Variants in SLC44A5 observed in about 807,000 individuals in gnomAD.
SLC44A5 encodes the protein choline transporter-like protein 5.
Under a neutral mutation model 101.8 loss-of-function variants are expected in SLC44A5, and 57 were observed. The observed-to-expected ratio is 0.56, with a 90% CI of 0.45 to 0.70. SLC44A5 has a LOEUF of 0.70. Among genes scored for constraint, SLC44A5 ranks in the 30% least tolerant of loss-of-function variants. The pLI, the probability that SLC44A5 is intolerant of heterozygous loss-of-function variation, is 0.00. For synonymous variants in SLC44A5, 281 were observed against 290.9 expected (o/e 0.97, Z 0.35); for missense variants, 737 against 853.1 (o/e 0.86, Z 1.70).
At chr1:75,291,223 G>C (rs1026980270) in intron 5 of SLC44A5, among the ~76,000 whole-genome samples, 1 of 152,118 alleles carries the variant, frequency 6.6e-6, no homozygotes, top group Non-Finnish European at 1.5e-5. Flanking sequence ...ATTCACATTA[G>C]AAGATAGGTT....
intron 5 of SLC44A5, among the ~76,000 whole-genome samples, chr1:75,297,877 G>A (rs781208358): frequency 1.3e-5 from 2 of 152,074 alleles, no homozygotes; most frequent in African/African-American, 2.4e-5. Flanking sequence ...TTGCACTGAA[G>A]TATTACCCTA....
chr1:75,249,530 G>A (rs956966084), intron 7 of SLC44A5, among the ~76,000 whole-genome samples: 5 of 152,018 alleles, frequency 3.3e-5, no homozygotes, highest in East Asian at 1.9e-4. Context: ...CCAAGCAAAC[G>A]GCTATAGGAA....
At chr1:75,570,854 T>A (rs976080997) in intron 1 of SLC44A5, among the ~76,000 whole-genome samples, 2 of 152,186 alleles carry the variant, frequency 1.3e-5, no homozygotes. Context: ...GTTAATGTGC[T>A]AATTAAAGCC....
chr1:75,610,375 T>C (rs1675586260), intron 1 of SLC44A5, among the ~76,000 whole-genome samples: 1 of 152,148 alleles, frequency 6.6e-6, no homozygotes, highest in Non-Finnish European at 1.5e-5. Flanking sequence ...TATACTTATG[T>C]ATCTTCTCTT....
At chr1:75,700,661 G>C in the SLC44A5 span, among the ~76,000 whole-genome samples, 2 of 152,016 alleles carry the variant, frequency 1.3e-5, no homozygotes, top group East Asian at 1.9e-4. Context: ...AAGATCAGAG[G>C]AGAACTGAAG....
chr1:75,476,969 C>G (rs948710741), intron 2 of SLC44A5, among the ~76,000 whole-genome samples: 28 of 152,390 alleles, frequency 1.8e-4, no homozygotes, highest in African/African-American at 6.5e-4. Flanking sequence ...TCCCTGACCC[C>G]TGACCCCTGA....
intron 2 of SLC44A5, among the ~76,000 whole-genome samples, chr1:75,513,338 G>A (rs1669661118): frequency 6.6e-6 from 1 of 152,162 alleles, no homozygotes; most frequent in Non-Finnish European, 1.5e-5. Flanking sequence ...TTACAATGCA[G>A]TCACTTGGCT....
the SLC44A5 span, among the ~76,000 whole-genome samples, chr1:75,704,238 T>C: frequency 5.9e-5 from 9 of 152,304 alleles, 1 homozygote; most frequent in Middle Eastern, 3.4e-3. Context: ...AGGATATTAA[T>C]ATAGTCAATT....
the SLC44A5 span, among the ~76,000 whole-genome samples, chr1:75,667,086 G>C: frequency 6.6e-6 from 1 of 152,188 alleles, no homozygotes. Context: ...GTTCTGGCCA[G>C]GGCAATCTGG....
intron 4 of SLC44A5, among the ~76,000 whole-genome samples, chr1:75,321,728 T>C (rs12030510): frequency 0.32 from 48,498 of 152,118 alleles, 9,097 homozygotes; most frequent in East Asian, 0.82. Flanking sequence ...TATTTCCACA[T>C]GTATTTTAAA....
intron 3 of SLC44A5, chr1:75,357,229 A>T: frequency 2.2e-6 from 1 of 455,860 alleles, no homozygotes; most frequent in Non-Finnish European, 4.4e-6. Context: ...TCCAACCTCT[A>T]AAAGAACCAA....
intron 7 of SLC44A5, among the ~76,000 whole-genome samples, chr1:75,248,350 AC>A (rs1398936935): frequency 2.0e-5 from 3 of 152,156 alleles, no homozygotes; most frequent in African/African-American, 4.8e-5. Flanking sequence ...TAATAAAAAA[AC>A]ATTTCAAAGT....
At chr1:75,501,288 A>G (rs1668944528) in intron 2 of SLC44A5, among the ~76,000 whole-genome samples, 1 of 152,198 alleles carries the variant, frequency 6.6e-6, no homozygotes, top group African/African-American at 2.4e-5. Flanking sequence ...CTCTCCAGGA[A>G]TTATTTCCCT....
chr1:75,439,414 G>T (rs1256586061), intron 2 of SLC44A5, among the ~76,000 whole-genome samples: 1 of 152,078 alleles, frequency 6.6e-6, no homozygotes, highest in Non-Finnish European at 1.5e-5. Context: ...AAACATTATT[G>T]TTGATATTAA....
chr1:75,650,958 T>C, the SLC44A5 span, among the ~76,000 whole-genome samples: 1 of 152,222 alleles, frequency 6.6e-6, no homozygotes, highest in South Asian at 2.1e-4. Flanking sequence ...AGATGTCCTT[T>C]ATACCCAGAC....
At position 75,428,594 on chromosome 1, in the gene SLC44A5, T is replaced by C. The variant is rs114131195; in HGVS notation, c.14-31973A>G. Among the ~76,000 whole-genome samples the C allele has an allele frequency of 8.4e-3, 1,285 of 152,304 alleles. 26 individuals are homozygous for C. Among genetic ancestry groups the C allele is most frequent in the African/African-American group, 0.029 (1,202 of 41,566 alleles). ...CATGACTTTGGAAGCTAAATTAGCT[T>C]CACCAAGAGGGCACTATTTAGCATA... On this transcript the variant is annotated intron_variant, in intron 2 of 23. Coordinates refer to ENST00000370859, the MANE Select transcript of SLC44A5 (RefSeq NM_001130058.2).
At chr1:75,263,386 A>C (rs1650703681) in intron 6 of SLC44A5, among the ~76,000 whole-genome samples, 1 of 152,244 alleles carries the variant, frequency 6.6e-6, no homozygotes, top group Admixed American at 6.5e-5. Context: ...AAAAAAGCTC[A>C]TCATCACTGG....
At chr1:75,288,826 C>G (rs1057447694) in intron 5 of SLC44A5, among the ~76,000 whole-genome samples, 1 of 152,306 alleles carries the variant, frequency 6.6e-6, no homozygotes, top group African/African-American at 2.4e-5. Flanking sequence ...AAGGACAGTA[C>G]TGCATCTTCA....
chr1:75,635,666 G>T, the SLC44A5 span, among the ~76,000 whole-genome samples: 1 of 123,454 alleles, frequency 8.1e-6, no homozygotes, highest in Non-Finnish European at 1.7e-5. Context: ...TGGGGTGGGG[G>T]GAGGGGGGGA....
Sources: gnomAD v4.1 joint callset for allele counts (sites outside exome capture counted in the v4.1 genomes callset) on GRCh38, gnomAD v4.1.1 for gene constraint, MANE v1.5 for transcripts, NCBI Gene and HGNC (gene_info 2026-07-23, HGNC 2026-07-21) for gene names.